The following PMF1 variants were observed in gnomAD, a reference collection of about 807,000 sequenced individuals.
PMF1 encodes polyamine-modulated factor 1.
A neutral mutation model predicts 26.7 loss-of-function variants in PMF1; 21 were observed. The observed-to-expected ratio is 0.79, with a 90% CI of 0.56 to 1.13. The LOEUF (loss-of-function observed/expected upper bound fraction) is 1.13. PMF1 is among the 50% of genes most tolerant of loss of function. The pLI, the probability that PMF1 is intolerant of heterozygous loss-of-function variation, is 0.00. For synonymous variants in PMF1, 105 were observed against 101.0 expected (o/e 1.04, Z -0.24); for missense variants, 266 against 254.9 (o/e 1.04, Z -0.30).
At chr1:156,215,090 G>T (rs1657628722) in intron 1 of PMF1, among the ~76,000 whole-genome samples, 1 of 120,918 alleles carries the variant, frequency 8.3e-6, no homozygotes, top group South Asian at 2.3e-4. Flanking sequence ...TGTTGGCCAG[G>T]CTGGTCTCGA....
intron 2 of PMF1, among the ~76,000 whole-genome samples, chr1:156,232,889 C>T (rs1658797442): frequency 1.3e-5 from 2 of 148,794 alleles, no homozygotes; most frequent in Non-Finnish European, 3.0e-5. Flanking sequence ...TAGGCCGGTA[C>T]AGTGGCCTAA....
intron 1 of PMF1, among the ~76,000 whole-genome samples, chr1:156,215,446 G>A (rs931127673): frequency 6.6e-6 from 1 of 151,990 alleles, no homozygotes; most frequent in Non-Finnish European, 1.5e-5. Flanking sequence ...GTCCTGGCAC[G>A]GTCCCTCCCC....
chr1:156,235,440 T>A (rs1251359353), intron 3 of PMF1, among the ~76,000 whole-genome samples: 1 of 133,212 alleles, frequency 7.5e-6, no homozygotes. Context: ...AAATAATTTT[T>A]TTTTTTTTTT....
intron 1 of PMF1, among the ~76,000 whole-genome samples, chr1:156,216,624 C>G (rs1657727529): frequency 6.6e-6 from 1 of 151,774 alleles, no homozygotes; most frequent in African/African-American, 2.4e-5. Flanking sequence ...CGGCCCGGGT[C>G]CGGGTCTCTG....
intron 1 of PMF1, among the ~76,000 whole-genome samples, chr1:156,214,880 TATTA>T (rs1173088216): frequency 1.4e-5 from 2 of 147,108 alleles, no homozygotes; most frequent in African/African-American, 2.5e-5. Context: ...TTATTATTAT[TATTA>T]TTTTTTTTTT....
At chr1:156,236,582 CAG>C (rs1357716165) in intron 4 of PMF1, 99 bp downstream of exon 4, 6 of 1,451,022 alleles carry the variant, frequency 4.1e-6, no homozygotes, top group Admixed American at 4.5e-5. Context: ...GGGACCCCCA[CAG>C]GGGGTAGGAG....
chr1:156,230,989 G>T (rs1303683172), intron 1 of PMF1, among the ~76,000 whole-genome samples: 1 of 152,088 alleles, frequency 6.6e-6, no homozygotes, highest in Non-Finnish European at 1.5e-5. Context: ...GCCGAGATGG[G>T]CGGATCACGA....
intron 4 of PMF1, chr1:156,237,428 CA>C (rs1349482224): frequency 6.6e-6 from 1 of 150,834 alleles, no homozygotes; most frequent in Non-Finnish European, 1.5e-5. Context: ...GCATCCTCAC[CA>C]GCATGTTATT....
chr1:156,232,980 C>T lies in PMF1; in HGVS notation c.267+555C>T, dbSNP rs949474909. Among the ~76,000 whole-genome samples, 3 of 138,732 alleles carry T rather than the reference C, an allele frequency of 2.2e-5. No individual in the cohort carries two copies. The East Asian group carries it at 6.3e-4, about 29-fold the overall frequency. The allele number at this position is 138,732 out of a possible 152,430, so 91.0% of individuals were successfully genotyped here. A position where few individuals can be genotyped will look rare whatever the true frequency, so the allele number is the denominator to read the frequency against. ...TGTCACTCAGGCTGGAGTGCAGTGG[C>T]GTGATCTCAGCTCACTGCAGCCTCT... On this transcript the variant is annotated intron_variant, in intron 2 of 4. Coordinates refer to ENST00000368277, the MANE Select transcript of PMF1 (RefSeq NM_007221.4).
At chr1:156,232,446 C>T (rs766103389) in intron 2 of PMF1, 21 bp downstream of exon 2, 261 of 1,610,812 alleles carry the variant, frequency 1.6e-4, no homozygotes, top group Non-Finnish European at 2.1e-5. Flanking sequence ...GGAAGCCTGG[C>T]AGGTGCTGTT....
chr1:156,225,709 A>G lies in PMF1; in HGVS notation c.162-6611A>G, dbSNP rs566550732. The G allele has an allele frequency of 5.5e-5, 54 of 974,966 alleles. No individual in the cohort carries two copies. In the African/African-American group the frequency reaches 7.7e-4, roughly 14 times the overall value. 60.4% of individuals were successfully genotyped at this position (974,966 alleles called of 1,614,324 possible). A position where few individuals can be genotyped will look rare whatever the true frequency, so the allele number is the denominator to read the frequency against. ...TTTTTTGGCTCCCTTAGCACTGTGT[A>G]CACCGTGATATTGTGTTACCCTCTT... On this transcript the variant is annotated intron_variant, in intron 1 of 4. Transcript: ENST00000368277.
At position 156,233,730 on chromosome 1, in the gene PMF1, T is replaced by C. The variant is rs769402798; in HGVS notation, c.368+2T>C. The C allele has an allele frequency of 6.2e-7, 1 of 1,612,384 alleles. No homozygotes were observed. ...CAAAGTCCGCAAAGAGCCAGCCTGGTGAGAGTGGGGTGGGGAGGTGAGAAG... is the reference window on the plus strand; with the variant it reads ...CAAAGTCCGCAAAGAGCCAGCCTGGCGAGAGTGGGGTGGGGAGGTGAGAAG... On this transcript the variant is annotated splice_donor_variant, in intron 3 of 4. Transcript: ENST00000368277. LOFTEE classifies it high-confidence loss of function.
chr1:156,224,551 C>T (rs538433190), intron 1 of PMF1, among the ~76,000 whole-genome samples: 37 of 152,048 alleles, frequency 2.4e-4, no homozygotes, highest in Admixed American at 6.6e-4. Flanking sequence ...CTGAGGCGGG[C>T]GGATCATGAG....
At position 156,229,230 on chromosome 1, in the gene PMF1, C is replaced by T. The variant is rs531227307; in HGVS notation, c.162-3090C>T. On this transcript the variant is annotated intron_variant, in intron 1 of 4. Transcript: ENST00000368277. The stretch of plus-strand genomic sequence containing the variant: ...GCCTACTGTATTGTTTTTTAGGTAC[C>T]TAAGCTTAGCTTCCAAGGTGTACTC... 4.3e-4 allele frequency among the ~76,000 whole-genome samples: 65 copies of T among 151,802 alleles called. 1 individual carries two copies. Among genetic ancestry groups the T allele is most frequent in the Non-Finnish European group, 2.8e-4 (19 of 67,960 alleles).
rs778285141 is a variant in PMF1, at chr1:156,236,353, G to A, written c.434G>A (p.Arg145Gln). 15 of 1,614,092 alleles carry A rather than the reference G, an allele frequency of 9.3e-6. No individual in the cohort carries two copies. Among genetic ancestry groups the A allele is most frequent in the South Asian group, 2.2e-5 (2 of 91,092 alleles). Residue 145 changes from arginine (R) to glutamine (Q), a missense_variant, in exon 4 of 5, where the codon CGG becomes CAG. By Grantham distance (43) the Arg-to-Gln change is conservative. Transcript: ENST00000368277. The stretch of plus-strand genomic sequence containing the variant: ...ATGGCACCCTACTTCCTGCAGCAAC[G>A]GGACACCCTGCGGCGCCATGTGCAG... Reference protein sequence around the residue: ...SVMAPYFLQQRDTLRRHVQKQ... With the variant: ...SVMAPYFLQQQDTLRRHVQKQ...
chr1:156,233,781 C>CTTT (rs57899002), intron 3 of PMF1, 53 bp downstream of exon 3: 232 of 1,259,308 alleles, frequency 1.8e-4, no homozygotes, highest in South Asian at 4.3e-4. Flanking sequence ...AGCAATTAAG[C>CTTT]TTTTTTTTTT....
chr1:156,219,672 A>G (rs1657973310), intron 1 of PMF1, among the ~76,000 whole-genome samples: 2 of 151,016 alleles, frequency 1.3e-5, no homozygotes, highest in Admixed American at 1.3e-4. Flanking sequence ...TGTAGTCTCA[A>G]CCTCCTGGGC....
intron 1 of PMF1, among the ~76,000 whole-genome samples, chr1:156,226,911 G>A (rs542154600): frequency 3.2e-4 from 49 of 152,300 alleles, no homozygotes; most frequent in African/African-American, 5.1e-4. Context: ...AGACCATCCC[G>A]TCATGGGGTG....
chr1:156,235,217 C>T (rs940250974), intron 3 of PMF1, among the ~76,000 whole-genome samples: 4 of 151,436 alleles, frequency 2.6e-5, no homozygotes, highest in East Asian at 3.9e-4. Context: ...CTCAGCCTCC[C>T]GGGTCCAAGC....
Sources: gnomAD v4.1 joint callset for allele counts (sites outside exome capture counted in the v4.1 genomes callset) on GRCh38, gnomAD v4.1.1 for gene constraint, MANE v1.5 for transcripts, NCBI Gene and HGNC (gene_info 2026-07-23, HGNC 2026-07-21) for gene names.